TIMELESS: variants seen among roughly 807,000 people sequenced by gnomAD.
TIMELESS encodes protein timeless homolog.
TIMELESS carries 124 observed loss-of-function variants against 164.3 expected under a neutral mutation model. The ratio of observed to expected loss-of-function variants is 0.75; its 90% confidence interval spans 0.65 to 0.88. TIMELESS has a LOEUF of 0.88. Ranked by LOEUF, TIMELESS falls within the 40% of genes least tolerant of loss-of-function variation. The pLI is 0.00. For missense variants in TIMELESS, 1,422 were observed against 1,491.4 expected (o/e 0.95, Z 0.77); for synonymous variants, 564 against 563.4 (o/e 1.00, Z -0.02).
chr12:56,424,176 C>T (rs568767518), intron 15 of TIMELESS, among the ~76,000 whole-genome samples: 18 of 152,160 alleles, frequency 1.2e-4, no homozygotes, highest in Non-Finnish European at 2.5e-4. Context: ...TTAACAATTA[C>T]AGAAATATAT....
chr12:56,449,009 C>A (rs72478924), intron 1 of TIMELESS, among the ~76,000 whole-genome samples: 1 of 152,252 alleles, frequency 6.6e-6, no homozygotes, highest in Non-Finnish European at 1.5e-5. Context: ...CTCCCTCAGG[C>A]ACTTTCTGTT....
Position 56,421,781 on chromosome 12 carries a change from C to A in TIMELESS, c.2671G>T (p.Gly891Trp), listed in dbSNP as rs1881498943. 4.3e-6 allele frequency: 7 copies of A among 1,614,192 alleles called. No homozygotes were observed. The highest frequency in any genetic ancestry group is 5.9e-6 in the Non-Finnish European group (7 of 1,180,038). The change falls in exon 22 of 29, where the codon GGG (glycine) becomes TGG (tryptophan). Residue 891 changes from glycine to tryptophan, a missense_variant. Gly to Trp is a radical substitution (Grantham distance 184). Transcript: ENST00000553532. Reference sequence around the variant, plus strand: ...CGCTGCAGCTCCAACTCCTGATCCCCCGTCCACAGTACAATATGGGTTCCT... The same window carrying A: ...CGCTGCAGCTCCAACTCCTGATCCCACGTCCACAGTACAATATGGGTTCCT... The part of the protein sequence containing the change: ...RKGTHIVLWT[G>W]DQELELQRLF...
chr12:56,440,836 G>A (rs536638329), intron 1 of TIMELESS, among the ~76,000 whole-genome samples: 162 of 152,264 alleles, frequency 1.1e-3, no homozygotes, highest in Middle Eastern at 3.4e-3. Context: ...GTTTTGTTTT[G>A]AGACAGGGTC....
At position 56,432,381 on chromosome 12, in the gene TIMELESS, CAT is replaced by C; in HGVS notation, c.673_674del (p.Met225ValfsTer3). 6.2e-7 allele frequency: 1 copy of C among 1,613,880 alleles called. No individual in the cohort carries two copies. The highest frequency in any genetic ancestry group is 8.5e-7 in the Non-Finnish European group (1 of 1,179,782). On this transcript the variant is annotated frameshift_variant, in exon 7 of 29. Coordinates refer to ENST00000553532, the MANE Select transcript of TIMELESS (RefSeq NM_003920.5). LOFTEE classifies it high-confidence loss of function. ...SLHVLEIVSL[M>X]FRDQNPEQLA... is the part of the protein sequence containing the mutation. ...GCCAGGGTCTCACCTGGTCACGAAA[CAT>C]AAGGGAGACAATCTCTAGCACATGT...
chr12:56,431,180 C>A (rs1378112363), intron 8 of TIMELESS, among the ~76,000 whole-genome samples: 2 of 151,890 alleles, frequency 1.3e-5, no homozygotes, highest in Non-Finnish European at 2.9e-5. Context: ...ATGGTGAAAC[C>A]CTGTCTCTAC....
At chr12:56,427,307 GAGA>G (rs1310075334) in intron 13 of TIMELESS, among the ~76,000 whole-genome samples, 1 of 152,234 alleles carries the variant, frequency 6.6e-6, no homozygotes, top group Non-Finnish European at 1.5e-5. Flanking sequence ...ATTTTTAGTA[GAGA>G]AGGAGTTTTG....
At chr12:56,446,768 C>A (rs1034808065) in intron 1 of TIMELESS, among the ~76,000 whole-genome samples, 1 of 150,788 alleles carries the variant, frequency 6.6e-6, no homozygotes. Context: ...GGAGACCACG[C>A]CACTGCACTC....
In TIMELESS at chr12:56,433,802, C is replaced by T. The variant is rs1392261027; in HGVS notation, c.222G>A (p.Gln74=). ...TAACAGCATCAAAGAGAGGCTTGTCCTGGTGGTGCTGGGTGAGGATGGGCA... is the reference window on the plus strand; with the variant it reads ...TAACAGCATCAAAGAGAGGCTTGTCTTGGTGGTGCTGGGTGAGGATGGGCA... ...DLLPILTQHH[Q]DKPLFDAVIR... Residue 74 remains glutamine, a synonymous_variant, in exon 3 of 29, where the codon CAG becomes CAA. Coordinates refer to ENST00000553532, the MANE Select transcript of TIMELESS (RefSeq NM_003920.5). 6.2e-7 allele frequency: 1 copy of T among 1,614,030 alleles called. No individual in the cohort carries two copies. Among genetic ancestry groups the T allele is most frequent in the Non-Finnish European group, 8.5e-7 (1 of 1,180,044 alleles).
intron 23 of TIMELESS, 62 bp downstream of exon 23, chr12:56,421,289 C>T: frequency 6.3e-7 from 1 of 1,590,896 alleles, no homozygotes; most frequent in East Asian, 2.2e-5. Context: ...AGGTGGACTG[C>T]TCCTAAGGAC....
In TIMELESS at chr12:56,423,608, A is replaced by G; in HGVS notation, c.2066T>C (p.Phe689Ser). The G allele has an allele frequency of 6.2e-7, 1 of 1,613,972 alleles. No individual in the cohort carries two copies. The highest frequency in any genetic ancestry group is 8.5e-7 in the Non-Finnish European group (1 of 1,179,986). Residue 689 changes from phenylalanine to serine, a missense_variant, in exon 17 of 29, where the codon TTT becomes TCT. Transcript: ENST00000553532. Reference sequence around the variant, plus strand: ...CCGTTTCAGGTAGTCCAGAAAATTAAATTCTTTCTCCGACACCTGGACCAC... The same window carrying G: ...CCGTTTCAGGTAGTCCAGAAAATTAGATTCTTTCTCCGACACCTGGACCAC... ...LQVVQVSEKE[F>S]NFLDYLKRFA...
At chr12:56,444,701 C>G (rs1868325110) in intron 1 of TIMELESS, among the ~76,000 whole-genome samples, 1 of 151,924 alleles carries the variant, frequency 6.6e-6, no homozygotes, top group South Asian at 2.1e-4. Flanking sequence ...CATGTGCCCC[C>G]ACACCTGTCC....
At chr12:56,429,704 A>C (rs1881808217) in intron 10 of TIMELESS, among the ~76,000 whole-genome samples, 1 of 142,988 alleles carries the variant, frequency 7.0e-6, no homozygotes. Flanking sequence ...TTTAGTAGAG[A>C]TACGGTTTCA....
At chr12:56,449,245 T>C (rs1868482822) in intron 1 of TIMELESS, 65 bp downstream of exon 1, 3 of 152,310 alleles carry the variant, frequency 2.0e-5, no homozygotes, top group Admixed American at 1.3e-4. Context: ...TTCCCGAGAA[T>C]GCCCCCATAG....
chr12:56,423,903 C>T lies in TIMELESS; in HGVS notation c.1869-9G>A, dbSNP rs1565680940. 1.2e-6 allele frequency: 2 copies of T among 1,612,908 alleles called. No individual in the cohort carries two copies. ...CTTCAGGCCACACCTCCCTGGAGCACAGATAGAAAAAAGGCTTTACCCAGG... is the reference window on the plus strand; with the variant it reads ...CTTCAGGCCACACCTCCCTGGAGCATAGATAGAAAAAAGGCTTTACCCAGG... On this transcript the variant is annotated splice_polypyrimidine_tract_variant and intron_variant, in intron 15 of 28. Coordinates refer to ENST00000553532, the MANE Select transcript of TIMELESS (RefSeq NM_003920.5).
intron 7 of TIMELESS, 82 bp downstream of exon 7, chr12:56,432,287 C>A: frequency 6.7e-7 from 1 of 1,485,144 alleles, no homozygotes; most frequent in Non-Finnish European, 9.1e-7. Flanking sequence ...GATAATGCAG[C>A]CATTATCACA....
chr12:56,436,521 G>A (rs79928714), intron 1 of TIMELESS, among the ~76,000 whole-genome samples: 13 of 152,260 alleles, frequency 8.5e-5, no homozygotes, highest in Admixed American at 2.0e-4. Flanking sequence ...TAATATTAGC[G>A]TAAGTTAGTT....
At position 56,428,610 on chromosome 12, in the gene TIMELESS, T is replaced by G; in HGVS notation, c.1347A>C (p.Thr449=). 1 of 1,614,130 alleles carries G rather than the reference T, an allele frequency of 6.2e-7. No homozygotes were observed. The highest frequency in any genetic ancestry group is 8.5e-7 in the Non-Finnish European group (1 of 1,180,026). ...CTGGAGATATGTCCATCTCATTCAC[T>G]GTTGCCAGCAGCTCCTGATAGGCCT... is the stretch of plus-strand genomic sequence containing the variant. ...ALKAYQELLA[T]VNEMDISPDE... Residue 449 remains threonine (T), a synonymous_variant, in exon 12 of 29, where the codon ACA becomes ACC. Transcript: ENST00000553532.
In TIMELESS at chr12:56,432,511, T is replaced by C. The variant is rs372934828; in HGVS notation, c.545A>G (p.Asp182Gly). 44 of 1,613,524 alleles carry C rather than the reference T, an allele frequency of 2.7e-5. No individual in the cohort carries two copies. The highest frequency in any genetic ancestry group is 3.5e-5 in the Non-Finnish European group (41 of 1,179,806). ...DLDQEKKIDD[D>G]ASAHDQLLWA... Reference sequence around the variant, plus strand: ...GAGGAGCTGGTCATGGGCACTGGCGTCATCATCAATCTTCTGAGCAGTGAG... The same window carrying C: ...GAGGAGCTGGTCATGGGCACTGGCGCCATCATCAATCTTCTGAGCAGTGAG... The change falls in exon 7 of 29, where the codon GAC becomes GGC. Residue 182 changes from aspartate to glycine, a missense_variant. Physicochemically the swap from Asp to Gly is moderately conservative, Grantham distance 94. Transcript: ENST00000553532.
intron 8 of TIMELESS, among the ~76,000 whole-genome samples, chr12:56,431,268 C>T (rs193205643): frequency 2.3e-4 from 35 of 151,046 alleles, no homozygotes; most frequent in East Asian, 1.2e-3. Context: ...GCAGGAGAAT[C>T]GCTTGAACCC....
Sources: allele counts gnomAD v4.1 joint callset (sites outside exome capture counted in the v4.1 genomes callset), GRCh38; gene constraint gnomAD v4.1.1; transcripts MANE v1.5; gene names NCBI Gene and HGNC (gene_info 2026-07-23, HGNC 2026-07-21).